The following AMPH variants were observed in gnomAD, a reference collection of about 807,000 sequenced individuals.
The protein encoded by AMPH is amphiphysin.
AMPH carries 49 observed loss-of-function variants against 99.1 expected under a neutral mutation model. The observed-to-expected ratio is 0.49, with a 90% CI of 0.39 to 0.63. The LOEUF (loss-of-function observed/expected upper bound fraction) is 0.63, where lower values mean the gene tolerates loss of function less well. Ranked by LOEUF, AMPH falls within the 20% of genes least tolerant of loss-of-function variation. AMPH has a pLI of 0.00. For missense variants in AMPH, 759 were observed against 863.4 expected (o/e 0.88, Z 1.52); for synonymous variants, 314 against 317.3 (o/e 0.99, Z 0.11).
At chr7:38,540,835 G>A (rs1183512759) in intron 1 of AMPH, among the ~76,000 whole-genome samples, 1 of 151,392 alleles carries the variant, frequency 6.6e-6, no homozygotes, top group Non-Finnish European at 1.5e-5. Flanking sequence ...TGATGGCAGG[G>A]TTGGCCACCA....
At chr7:38,498,340 T>C (rs866107311) in intron 3 of AMPH, among the ~76,000 whole-genome samples, 1 of 152,166 alleles carries the variant, frequency 6.6e-6, no homozygotes, top group African/African-American at 2.4e-5. Context: ...CACAAGCAAA[T>C]GTCCAACTGT....
At chr7:38,475,648 T>A (rs1788052646) in intron 6 of AMPH, among the ~76,000 whole-genome samples, 1 of 152,216 alleles carries the variant, frequency 6.6e-6, no homozygotes, top group Non-Finnish European at 1.5e-5. Context: ...TCTGGCTGAT[T>A]CATTTATTCT....
chr7:38,405,018 G>A (rs1202424645), intron 17 of AMPH, among the ~76,000 whole-genome samples: 1 of 151,934 alleles, frequency 6.6e-6, no homozygotes, highest in Non-Finnish European at 1.5e-5. Context: ...CTTCTCAGCA[G>A]AAACCTTATA....
intron 16 of AMPH, among the ~76,000 whole-genome samples, chr7:38,418,274 G>C (rs1785458028): frequency 2.0e-5 from 3 of 152,024 alleles, no homozygotes; most frequent in African/African-American, 7.2e-5. Flanking sequence ...AGCTATAAGA[G>C]GTTCTGCTAT....
At chr7:38,467,412 T>C (rs1005726346) in intron 7 of AMPH, among the ~76,000 whole-genome samples, 3 of 152,214 alleles carry the variant, frequency 2.0e-5, no homozygotes, top group East Asian at 1.9e-4. Flanking sequence ...AGAAGTCTTC[T>C]GGGGTACTTT....
chr7:38,417,003 T>C (rs1432644538), intron 17 of AMPH, among the ~76,000 whole-genome samples: 1 of 152,238 alleles, frequency 6.6e-6, no homozygotes, highest in African/African-American at 2.4e-5. Flanking sequence ...TTTTTGGTAA[T>C]AGAGAAATTG....
intron 1 of AMPH, among the ~76,000 whole-genome samples, chr7:38,608,815 T>A (rs773124446): frequency 6.6e-6 from 1 of 152,196 alleles, no homozygotes; most frequent in South Asian, 2.1e-4. Flanking sequence ...ATGACCATGT[T>A]CTTCAACCTG....
intron 20 of AMPH, 56 bp from the exon 21 acceptor site, chr7:38,384,981 TG>T: frequency 7.0e-7 from 1 of 1,430,894 alleles, no homozygotes; most frequent in East Asian, 2.3e-5. Context: ...AAATCCACAC[TG>T]CCACAATTAA....
chr7:38,593,841 A>G (rs1362779526), intron 1 of AMPH, among the ~76,000 whole-genome samples: 3 of 152,180 alleles, frequency 2.0e-5, no homozygotes, highest in Admixed American at 1.3e-4. Flanking sequence ...AGTAAGGCTC[A>G]GGGTATAAGA....
At chr7:38,519,355 A>G (rs959541103) in intron 2 of AMPH, among the ~76,000 whole-genome samples, 6 of 152,234 alleles carry the variant, frequency 3.9e-5, no homozygotes, top group Admixed American at 3.3e-4. Context: ...AGATTAATGG[A>G]AATCCAGTAT....
At chr7:38,516,742 C>A (rs1290235453) in intron 2 of AMPH, among the ~76,000 whole-genome samples, 1 of 152,196 alleles carries the variant, frequency 6.6e-6, no homozygotes, top group Non-Finnish European at 1.5e-5. Context: ...AAGCTGCAGG[C>A]ACTCAACACC....
At chr7:38,607,566 AG>A (rs1288484784) in intron 1 of AMPH, among the ~76,000 whole-genome samples, 1 of 152,220 alleles carries the variant, frequency 6.6e-6, no homozygotes, top group Admixed American at 6.5e-5. Flanking sequence ...CGGTGAAGCA[AG>A]GTAGGAGTAT....
intron 1 of AMPH, among the ~76,000 whole-genome samples, chr7:38,535,860 C>T (rs555068143): frequency 6.6e-6 from 1 of 152,256 alleles, no homozygotes; most frequent in East Asian, 1.9e-4. Flanking sequence ...CTGCTCACTT[C>T]CTGCTGAGTG....
intron 16 of AMPH, among the ~76,000 whole-genome samples, chr7:38,418,700 T>C (rs1036324457): frequency 2.0e-5 from 3 of 152,216 alleles, no homozygotes; most frequent in Admixed American, 1.3e-4. Context: ...ATTTATTTCA[T>C]ATAATAGTTG....
intron 18 of AMPH, among the ~76,000 whole-genome samples, chr7:38,393,019 GTCTT>G (rs1230657686): frequency 8.5e-5 from 13 of 152,192 alleles, no homozygotes; most frequent in Non-Finnish European, 1.8e-4. Context: ...CAGAACGGGA[GTCTT>G]TCTATATTCC....
chr7:38,465,185 A>G (rs999714161), intron 9 of AMPH, among the ~76,000 whole-genome samples: 1 of 152,202 alleles, frequency 6.6e-6, no homozygotes, highest in Non-Finnish European at 1.5e-5. Flanking sequence ...TATACATTAT[A>G]TATTAAAATT....
intron 19 of AMPH, 49 bp downstream of exon 19, chr7:38,391,699 G>C (rs1274923413): frequency 6.4e-7 from 1 of 1,568,762 alleles, no homozygotes; most frequent in Non-Finnish European, 8.6e-7. Context: ...TTGAGCAAAA[G>C]GGCCTTAAAG....
intron 13 of AMPH, among the ~76,000 whole-genome samples, chr7:38,431,783 C>T (rs1351005543): frequency 2.0e-5 from 3 of 151,758 alleles, no homozygotes; most frequent in Admixed American, 1.3e-4. Flanking sequence ...TCATTGAATA[C>T]AATCACTTTT....
intron 18 of AMPH, 54 bp downstream of exon 18, chr7:38,393,951 C>T (rs1784590528): frequency 1.9e-6 from 3 of 1,581,416 alleles, no homozygotes; most frequent in Non-Finnish European, 1.7e-6. Context: ...CAACAGAGCA[C>T]CCAGCCCATG....
Sources: allele counts gnomAD v4.1 joint callset (sites outside exome capture counted in the v4.1 genomes callset), GRCh38; gene constraint gnomAD v4.1.1; transcripts MANE v1.5; gene names NCBI Gene and HGNC (gene_info 2026-07-23, HGNC 2026-07-21).